Variants in MGAT4C observed in about 807,000 individuals in gnomAD.
MGAT4C encodes the protein alpha-1,3-mannosyl-glycoprotein 4-beta-N-acetylglucosaminyltransferase C.
MGAT4C carries 19 observed loss-of-function variants against 40.1 expected under a neutral mutation model. The ratio of observed to expected loss-of-function variants is 0.47; its 90% CI spans 0.33 to 0.70. The LOEUF (loss-of-function observed/expected upper bound fraction) is 0.70, where lower values mean the gene tolerates loss of function less well. MGAT4C is among the 30% of genes least tolerant of loss of function. The pLI, the probability that MGAT4C is intolerant of heterozygous loss-of-function variation, is 0.02. For synonymous variants in MGAT4C, 181 were observed against 187.1 expected (o/e 0.97, Z 0.27); for missense variants, 491 against 563.2 (o/e 0.87, Z 1.30).
chr12:86,597,403 A>G (rs1337454561), intron 2 of MGAT4C, among the ~76,000 whole-genome samples: 1 of 152,184 alleles, frequency 6.6e-6, no homozygotes, highest in Non-Finnish European at 1.5e-5. Context: ...AGGAAGAGGG[A>G]GAAATGAAAA....
chr12:86,088,755 G>A (rs1247424501), intron 1 of MGAT4C, among the ~76,000 whole-genome samples: 3 of 151,996 alleles, frequency 2.0e-5, no homozygotes, highest in Non-Finnish European at 4.4e-5. Context: ...AGATGCTGGA[G>A]GTGTTGCAGA....
At chr12:86,221,388 A>G (rs1456082062) in intron 1 of MGAT4C, among the ~76,000 whole-genome samples, 1 of 152,182 alleles carries the variant, frequency 6.6e-6, no homozygotes, top group African/African-American at 2.4e-5. Context: ...AATATAAAGA[A>G]TCATTCTTTA....
intron 1 of MGAT4C, among the ~76,000 whole-genome samples, chr12:86,216,447 C>T (rs1040526068): frequency 6.6e-6 from 1 of 152,156 alleles, no homozygotes; most frequent in Non-Finnish European, 1.5e-5. Flanking sequence ...AACTCTTGTT[C>T]CATTGGCCAG....
At chr12:86,237,773 A>G (rs1379775268) in intron 1 of MGAT4C, among the ~76,000 whole-genome samples, 2 of 151,986 alleles carry the variant, frequency 1.3e-5, no homozygotes, top group Admixed American at 6.6e-5. Flanking sequence ...ACAAGAGACC[A>G]ACAAGAAAAC....
At chr12:86,533,282 G>A (rs1406573789) in intron 2 of MGAT4C, among the ~76,000 whole-genome samples, 1 of 151,976 alleles carries the variant, frequency 6.6e-6, no homozygotes, top group Non-Finnish European at 1.5e-5. Context: ...TCATCTAATA[G>A]TTTCCTTTCT....
intron 1 of MGAT4C, among the ~76,000 whole-genome samples, chr12:86,102,948 G>C (rs892599978): frequency 6.6e-6 from 1 of 151,992 alleles, no homozygotes; most frequent in Non-Finnish European, 1.5e-5. Flanking sequence ...TTTTGCAATT[G>C]CTTATATTGG....
At chr12:86,774,323 C>CTTTCTTTCTTTCTTTCTTTCTTTCTT (rs1192479432) in intron 1 of MGAT4C, among the ~76,000 whole-genome samples, 4 of 97,042 alleles carry the variant, frequency 4.1e-5, no homozygotes, top group East Asian at 3.3e-4. Flanking sequence ...TTCTTTCTTT[C>CTTTCTTTCTTTCTTTCTTTCTTTCTT]TTTCTTTCTT....
intron 1 of MGAT4C, among the ~76,000 whole-genome samples, chr12:86,741,463 A>G (rs1319171838): frequency 6.6e-6 from 1 of 151,396 alleles, no homozygotes; most frequent in African/African-American, 2.4e-5. Flanking sequence ...CATAACAGTA[A>G]CTAAACAAAA....
At chr12:86,287,262 A>AT (rs1027462842) in intron 4 of MGAT4C, among the ~76,000 whole-genome samples, 12 of 151,332 alleles carry the variant, frequency 7.9e-5, no homozygotes, top group East Asian at 5.8e-4. Flanking sequence ...AGAATCTGTT[A>AT]TTTTTTTTAC....
intron 2 of MGAT4C, among the ~76,000 whole-genome samples, chr12:86,519,456 C>T (rs1159165789): frequency 6.6e-6 from 1 of 151,916 alleles, no homozygotes; most frequent in Non-Finnish European, 1.5e-5. Context: ...GCAGTTCTAC[C>T]TTTAGTTTTT....
intron 4 of MGAT4C, among the ~76,000 whole-genome samples, chr12:86,277,198 C>T (rs1031351135): frequency 6.6e-6 from 1 of 152,030 alleles, no homozygotes; most frequent in Admixed American, 6.6e-5. Context: ...TTTTATATAC[C>T]TGTTTGCTAT....
rs1040463812 is a variant in MGAT4C, at chr12:86,499,688, C to G, written c.-228-64423G>C. ...CTGGTACAATCACTTTCTAATAATT[C>G]TCATTTTTCCATTCTAGTTATCACA... On this transcript the variant is annotated intron_variant, in intron 2 of 7. Coordinates refer to the MGAT4C transcript ENST00000548651. Among the ~76,000 whole-genome samples the G allele has an allele frequency of 2.0e-5, 3 of 151,842 alleles. 1 individual carries two copies. The highest frequency in any genetic ancestry group is 4.4e-5 in the Non-Finnish European group (3 of 67,906).
intron 2 of MGAT4C, among the ~76,000 whole-genome samples, chr12:86,031,961 C>G (rs761691173): frequency 1.3e-5 from 2 of 151,836 alleles, no homozygotes; most frequent in Admixed American, 6.6e-5. Flanking sequence ...GTTCTCTTAT[C>G]TGTGTCCATA....
chr12:86,367,552 C>T (rs1955622755), intron 3 of MGAT4C, among the ~76,000 whole-genome samples: 1 of 152,212 alleles, frequency 6.6e-6, no homozygotes, highest in African/African-American at 2.4e-5. Context: ...GTAATCCCAG[C>T]ACTTTGGGAG....
intron 2 of MGAT4C, among the ~76,000 whole-genome samples, chr12:86,671,324 G>T (rs1344642155): frequency 6.6e-6 from 1 of 152,148 alleles, no homozygotes; most frequent in Admixed American, 6.5e-5. Context: ...GCAGCGAGCT[G>T]CACTTTTTTT....
intron 1 of MGAT4C, among the ~76,000 whole-genome samples, chr12:86,111,262 G>T (rs1206668295): frequency 6.6e-6 from 1 of 151,664 alleles, no homozygotes; most frequent in African/African-American, 2.4e-5. Flanking sequence ...AAATGAGGAT[G>T]GGAATTTGTG....
In MGAT4C at chr12:85,976,128, T is replaced by C. The variant is rs1241377253; in HGVS notation, c.*3161A>G. The stretch of plus-strand genomic sequence containing the variant: ...TATAATTATTATACAGAACAGTTTT[T>C]CTATGATAGCATTATAAAAATTCCC... On this transcript the variant is annotated 3_prime_UTR_variant, in exon 5 of 5. Coordinates refer to ENST00000611864, the MANE Select transcript of MGAT4C (RefSeq NM_001351288.2). The C allele has an allele frequency of 6.6e-6, 1 of 151,166 alleles. No homozygotes were observed. The highest frequency in any genetic ancestry group is 1.9e-4 in the East Asian group (1 of 5,180). The allele number at this position is 151,166 out of a possible 1,614,324, so 9.4% of individuals were successfully genotyped here. A position where few individuals can be genotyped will look rare whatever the true frequency, so the allele number is the denominator to read the frequency against.
intron 2 of MGAT4C, among the ~76,000 whole-genome samples, chr12:86,600,780 G>T (rs941989135): frequency 1.3e-5 from 2 of 152,208 alleles, no homozygotes; most frequent in African/African-American, 4.8e-5. Flanking sequence ...TGGGACAGGA[G>T]CTTGCGTTCC....
chr12:86,305,105 A>G (rs1319275528), intron 4 of MGAT4C, among the ~76,000 whole-genome samples: 1 of 150,758 alleles, frequency 6.6e-6, no homozygotes, highest in Non-Finnish European at 1.5e-5. Context: ...TTTAAAACTG[A>G]ATATAATGAT....
Sources: gnomAD v4.1 joint callset for allele counts (sites outside exome capture counted in the v4.1 genomes callset) on GRCh38, gnomAD v4.1.1 for gene constraint, MANE v1.5 for transcripts, NCBI Gene and HGNC (gene_info 2026-07-23, HGNC 2026-07-21) for gene names.